The following SEMA3A variants were observed in gnomAD, a reference collection of about 807,000 sequenced individuals.
SEMA3A encodes the protein semaphorin 3A.
Under a neutral mutation model 97.9 loss-of-function variants are expected in SEMA3A, and 29 were observed. That is an observed-to-expected ratio of 0.30 (90% CI 0.22 to 0.40). SEMA3A has a LOEUF of 0.40. SEMA3A is among the 10% of genes least tolerant of loss of function. The probability of loss-of-function intolerance (pLI) is 1.00; values close to 1 mark genes in which losing one functional copy is unlikely to be tolerated. For missense variants in SEMA3A, 763 were observed against 951.3 expected, an observed-to-expected ratio of 0.80 and a Z score of 2.60; for synonymous variants, 321 against 323.7, an observed-to-expected ratio of 0.99 and a Z score of 0.09.
chr7:84,278,225 C>A (rs926745629), intron 3 of SEMA3A, among the ~76,000 whole-genome samples: 1 of 152,066 alleles, frequency 6.6e-6, no homozygotes, highest in Non-Finnish European at 1.5e-5. Context: ...ACAAAAGTGA[C>A]CTTTGCTCCA....
rs542147728 is a variant in SEMA3A, at chr7:84,205,079, T to A, written c.-82-10411A>T. 3.3e-5 allele frequency among the ~76,000 whole-genome samples: 5 copies of A among 152,334 alleles called. No individual in the cohort carries two copies. The East Asian group carries it at 9.6e-4, about 29-fold the overall frequency. On this transcript the variant is annotated intron_variant, in intron 3 of 3. Coordinates refer to the SEMA3A transcript ENST00000424555. ...CTAAGTCACAAACTGCATGAGTTAG[T>A]GAGTATTTACATTTCAGAGCAAATT... is the stretch of plus-strand genomic sequence containing the variant.
Position 84,368,619 on chromosome 7 carries a change from C to G in SEMA3A, c.-169+3205G>C, listed in dbSNP as rs1434936982. 2.0e-5 allele frequency among the ~76,000 whole-genome samples: 3 copies of G among 150,462 alleles called. No homozygotes were observed. The East Asian group carries it at 5.9e-4, about 29-fold the overall frequency. ...TGACCAAAGTAAGATAAATTTAAAG[C>G]AAAAGATGAACAAAAATAAGCATCT... is the stretch of plus-strand genomic sequence containing the variant. On this transcript the variant is annotated intron_variant, in intron 2 of 3. Coordinates refer to the SEMA3A transcript ENST00000424555.
At chr7:84,202,294 A>C (rs1798376028) in intron 3 of SEMA3A, among the ~76,000 whole-genome samples, 1 of 152,200 alleles carries the variant, frequency 6.6e-6, no homozygotes, top group Non-Finnish European at 1.5e-5. Flanking sequence ...AAGTCATTCC[A>C]CATTGCATAC....
At chr7:84,174,355 G>T (rs1160070661) in intron 1 of SEMA3A, among the ~76,000 whole-genome samples, 1 of 152,182 alleles carries the variant, frequency 6.6e-6, no homozygotes, top group Non-Finnish European at 1.5e-5. Context: ...AGCAATGCTG[G>T]AGTAATATTT....
intron 15 of SEMA3A, among the ~76,000 whole-genome samples, chr7:83,972,240 T>G (rs1179171877): frequency 1.3e-5 from 2 of 151,942 alleles, no homozygotes; most frequent in Non-Finnish European, 2.9e-5. Context: ...ATTTGCTGTG[T>G]GGCTTCAAAG....
At chr7:83,972,528 A>G (rs941327183) in intron 15 of SEMA3A, among the ~76,000 whole-genome samples, 9 of 152,062 alleles carry the variant, frequency 5.9e-5, no homozygotes, top group African/African-American at 1.9e-4. Context: ...AAAAATCAGG[A>G]AACATGGACT....
intron 3 of SEMA3A, among the ~76,000 whole-genome samples, chr7:84,213,969 T>C (rs1206425997): frequency 6.6e-6 from 1 of 152,222 alleles, no homozygotes; most frequent in African/African-American, 2.4e-5. Flanking sequence ...CCAAGTCATC[T>C]GCTTATAAGA....
At chr7:84,052,237 G>A (rs919428284) in intron 5 of SEMA3A, among the ~76,000 whole-genome samples, 11 of 152,028 alleles carry the variant, frequency 7.2e-5, no homozygotes, top group South Asian at 2.1e-4. Flanking sequence ...AAATGAGTTA[G>A]GGAGGATTCC....
At chr7:84,037,695 T>C (rs753698753) in intron 6 of SEMA3A, among the ~76,000 whole-genome samples, 116 of 152,000 alleles carry the variant, frequency 7.6e-4, no homozygotes, top group Non-Finnish European at 1.5e-3. Flanking sequence ...CCATATTAAT[T>C]TATAAAATTA....
chr7:84,422,532 A>C (rs1804629615), intron 1 of SEMA3A, among the ~76,000 whole-genome samples: 1 of 151,202 alleles, frequency 6.6e-6, no homozygotes, highest in Admixed American at 6.6e-5. Flanking sequence ...TTCTGCTCTG[A>C]TCTTAGTTAT....
At chr7:84,394,193 T>C (rs1803665787) in intron 1 of SEMA3A, among the ~76,000 whole-genome samples, 1 of 152,094 alleles carries the variant, frequency 6.6e-6, no homozygotes, top group Non-Finnish European at 1.5e-5. Flanking sequence ...TTTTAATTGC[T>C]GGATTATCCA....
chr7:84,216,100 C>T lies in SEMA3A; in HGVS notation c.-82-21432G>A, dbSNP rs185555123. ...CAGAATTTTTTTATTGACAGAGCCT[C>T]GCTCTGTAGCCAGGTTGGAGTGCAG... On this transcript the variant is annotated intron_variant, in intron 3 of 3. Coordinates refer to the SEMA3A transcript ENST00000424555. 1.5e-3 allele frequency among the ~76,000 whole-genome samples: 228 copies of T among 152,234 alleles called. 2 individuals are homozygous for T. Among genetic ancestry groups the T allele is most frequent in the African/African-American group, 5.0e-3 (209 of 41,548 alleles).
chr7:84,375,146 A>G (rs1378195965), intron 1 of SEMA3A, among the ~76,000 whole-genome samples: 4 of 152,032 alleles, frequency 2.6e-5, no homozygotes, highest in Non-Finnish European at 5.9e-5. Context: ...CAGCCTCCTG[A>G]GTAGCTGGGA....
intron 3 of SEMA3A, among the ~76,000 whole-genome samples, chr7:84,305,708 T>C (rs1326150502): frequency 6.6e-6 from 1 of 151,950 alleles, no homozygotes; most frequent in East Asian, 1.9e-4. Context: ...CCCAGGAAAT[T>C]TGTCTCATGA....
intron 1 of SEMA3A, among the ~76,000 whole-genome samples, chr7:84,150,918 G>C (rs1796635437): frequency 6.6e-6 from 1 of 150,498 alleles, no homozygotes; most frequent in Non-Finnish European, 1.5e-5. Flanking sequence ...GCCTCCTCAA[G>C]TGGGTCCCTG....
intron 1 of SEMA3A, among the ~76,000 whole-genome samples, chr7:84,412,059 G>A (rs1052825507): frequency 2.6e-5 from 4 of 151,896 alleles, no homozygotes; most frequent in African/African-American, 7.3e-5. Context: ...TATTGTGCTG[G>A]GCAAACTTTG....
chr7:84,474,100 A>G (rs535193846), intron 1 of SEMA3A, among the ~76,000 whole-genome samples: 3 of 152,202 alleles, frequency 2.0e-5, no homozygotes, highest in Non-Finnish European at 4.4e-5. Context: ...AGCCTTGGAA[A>G]TAAGTTTCTT....
At chr7:84,438,923 T>C (rs1307245079) in intron 1 of SEMA3A, among the ~76,000 whole-genome samples, 2 of 152,086 alleles carry the variant, frequency 1.3e-5, no homozygotes, top group Non-Finnish European at 2.9e-5. Flanking sequence ...TTTAAACATG[T>C]AATAAGGCAA....
At chr7:84,415,890 A>G (rs1804419831) in intron 1 of SEMA3A, among the ~76,000 whole-genome samples, 1 of 152,006 alleles carries the variant, frequency 6.6e-6, no homozygotes, top group Non-Finnish European at 1.5e-5. Flanking sequence ...CAAGCTGTGT[A>G]TCATTGGCAA....
Sources: allele counts gnomAD v4.1 joint callset (sites outside exome capture counted in the v4.1 genomes callset), GRCh38; gene constraint gnomAD v4.1.1; transcripts MANE v1.5; gene names NCBI Gene and HGNC (gene_info 2026-07-23, HGNC 2026-07-21).